USP34: variants seen among roughly 807,000 people sequenced by gnomAD.
USP34 encodes ubiquitin specific peptidase 34, also known as ubiquitin carboxyl-terminal hydrolase 34.
USP34 carries 70 observed loss-of-function variants against 460.3 expected under a neutral mutation model. The observed-to-expected ratio is 0.15, with a 90% CI of 0.13 to 0.19. The LOEUF (loss-of-function observed/expected upper bound fraction) is 0.19, where lower values mean the gene tolerates loss of function less well. Ranked by LOEUF, USP34 falls within the 10% of genes least tolerant of loss-of-function variation. The pLI, the probability that USP34 is intolerant of heterozygous loss-of-function variation, is 1.00. For missense variants in USP34, 3,985 were observed against 4,236.2 expected, an observed-to-expected ratio of 0.94 and a Z score of 1.65; for synonymous variants, 1,647 against 1,405.3, an observed-to-expected ratio of 1.17 and a Z score of -3.85.
At chr2:61,234,939 A>G (rs1688021024) in intron 57 of USP34, among the ~76,000 whole-genome samples, 1 of 152,124 alleles carries the variant, frequency 6.6e-6, no homozygotes, top group Non-Finnish European at 1.5e-5. Flanking sequence ...CACAGTCCCA[A>G]GTTTCTGTTT....
At chr2:61,240,557 C>A (rs1212076810) in intron 53 of USP34, among the ~76,000 whole-genome samples, 1 of 151,824 alleles carries the variant, frequency 6.6e-6, no homozygotes, top group African/African-American at 2.4e-5. Context: ...GGATTACAGG[C>A]ATGAGCCACC....
intron 1 of USP34, among the ~76,000 whole-genome samples, chr2:61,470,224 G>T (rs540888370): frequency 6.6e-6 from 1 of 152,128 alleles, no homozygotes; most frequent in Admixed American, 6.5e-5. Flanking sequence ...GAGAGGCCTC[G>T]GCAGCACGCT....
intron 1 of USP34, among the ~76,000 whole-genome samples, chr2:61,436,650 A>T (rs373903293): frequency 1.8e-4 from 28 of 152,324 alleles, no homozygotes; most frequent in South Asian, 4.1e-4. Flanking sequence ...GAATATAACA[A>T]AGAAACATAG....
Position 61,363,405 on chromosome 2 carries a change from G to A in USP34, c.1251+6916C>T, listed in dbSNP as rs184289682. Among the ~76,000 whole-genome samples the A allele has an allele frequency of 7.2e-5, 11 of 152,232 alleles. No individual in the cohort carries two copies. The East Asian group carries it at 2.1e-3, about 29-fold the overall frequency. On this transcript the variant is annotated intron_variant, in intron 10 of 79. Coordinates refer to ENST00000398571, the MANE Select transcript of USP34 (RefSeq NM_014709.4). The stretch of plus-strand genomic sequence containing the variant: ...AGGATAGGGATACGTTCTGAGAAAT[G>A]CCCTCTTGTGAACATCAGAGCATAC...
At chr2:61,313,446 C>T (rs926216003) in intron 25 of USP34, among the ~76,000 whole-genome samples, 1 of 152,066 alleles carries the variant, frequency 6.6e-6, no homozygotes, top group African/African-American at 2.4e-5. Flanking sequence ...GAAGATCCCA[C>T]AGCATAGAAA....
At chr2:61,375,633 G>A (rs1389185492) in intron 8 of USP34, among the ~76,000 whole-genome samples, 2 of 151,852 alleles carry the variant, frequency 1.3e-5, no homozygotes, top group Non-Finnish European at 2.9e-5. Context: ...GCCGGAAGTG[G>A]TGGCGGGTGC....
At chr2:61,302,280 G>A (rs1366467938) in intron 27 of USP34, among the ~76,000 whole-genome samples, 1 of 152,170 alleles carries the variant, frequency 6.6e-6, no homozygotes, top group Non-Finnish European at 1.5e-5. Flanking sequence ...AAAAATGAGT[G>A]GGGTAAGGCT....
At chr2:61,262,088 CAAAAAAAAAAAAAA>C (rs61651654) in intron 43 of USP34, among the ~76,000 whole-genome samples, 6 of 46,824 alleles carry the variant, frequency 1.3e-4, no homozygotes, top group East Asian at 1.1e-3. Context: ...AAGACTTCGT[CAAAAAAAAAAAAAA>C]AAAAAAAAAA....
intron 1 of USP34, among the ~76,000 whole-genome samples, chr2:61,457,739 T>A (rs1695479851): frequency 6.6e-6 from 1 of 152,180 alleles, no homozygotes; most frequent in South Asian, 2.1e-4. Context: ...TGAGCACCTG[T>A]AGTCCCAGCT....
chr2:61,251,340 T>C (rs1688576532), intron 48 of USP34, among the ~76,000 whole-genome samples: 1 of 152,200 alleles, frequency 6.6e-6, no homozygotes, highest in African/African-American at 2.4e-5. Context: ...GATATTAAAA[T>C]CACTACTTTA....
chr2:61,331,423 A>C (rs1203380487), intron 19 of USP34, 52 bp from the exon 20 acceptor site: 1 of 1,465,708 alleles, frequency 6.8e-7, no homozygotes, highest in Admixed American at 2.1e-5. Flanking sequence ...GTAAGAGAAT[A>C]AATCTATGCT....
intron 1 of USP34, among the ~76,000 whole-genome samples, chr2:61,443,430 TAC>T (rs1182843460): frequency 6.6e-6 from 1 of 151,418 alleles, no homozygotes; most frequent in Non-Finnish European, 1.5e-5. Flanking sequence ...CATAAACACG[TAC>T]AATTATTACG....
Position 61,348,857 on chromosome 2 carries a change from C to T in USP34, c.1573G>A (p.Asp525Asn). The T allele has an allele frequency of 6.2e-7, 1 of 1,613,398 alleles. No individual in the cohort carries two copies. The highest frequency in any genetic ancestry group is 1.1e-5 in the South Asian group (1 of 90,926). ...CCACTTTGATGTGTATCGCTATTAT[C>T]ACTGCTTTGAGGACTAGCTGCAGGT... ...WSPAASPQSS[D>N]NSDTHQSGGS... Residue 525 changes from aspartate to asparagine, a missense_variant, in exon 14 of 80, where the codon GAT (aspartate) becomes AAT (asparagine). By Grantham distance (23) the Asp-to-Asn change is conservative. Transcript: ENST00000398571.
chr2:61,213,965 C>G (rs1687335631), intron 68 of USP34, 95 bp downstream of exon 68: 1 of 1,409,618 alleles, frequency 7.1e-7, no homozygotes, highest in Non-Finnish European at 9.7e-7. Flanking sequence ...AATGGTGAGA[C>G]TATTCTATAT....
rs1296149670 is a variant in USP34, at chr2:61,348,103, T to A, written c.2052A>T (p.Ser684=). The A allele has an allele frequency of 5.0e-6, 8 of 1,614,122 alleles. No individual in the cohort carries two copies. Among genetic ancestry groups the A allele is most frequent in the South Asian group, 1.1e-5 (1 of 91,086 alleles). ...CCAGCATTCGCATTCGATTATCTAC[T>A]GATGGCAATGATTCAGTGTTAAAAA... ...DLVFNTESLP[S]VDNRMRMLDA... Residue 684 remains serine (S), a synonymous_variant, in exon 15 of 80, where the codon TCA becomes TCT. Transcript: ENST00000398571.
At chr2:61,259,422 C>T (rs1475198246) in intron 44 of USP34, among the ~76,000 whole-genome samples, 1 of 151,894 alleles carries the variant, frequency 6.6e-6, no homozygotes, top group African/African-American at 2.4e-5. Flanking sequence ...GAGTCTCACT[C>T]TGTCACCTAG....
chr2:61,297,007 G>A (rs1264710393), intron 29 of USP34, 82 bp from the exon 30 acceptor site: 2 of 1,457,134 alleles, frequency 1.4e-6, no homozygotes, highest in East Asian at 2.4e-5. Flanking sequence ...ATAAAGTAAT[G>A]ATCAAATTTG....
At chr2:61,195,712 T>G (rs1686780921) in intron 75 of USP34, among the ~76,000 whole-genome samples, 2 of 151,926 alleles carry the variant, frequency 1.3e-5, no homozygotes, top group African/African-American at 2.4e-5. Flanking sequence ...AAAAACAGTA[T>G]GTTACAGAGA....
intron 19 of USP34, 47 bp from the exon 20 acceptor site, chr2:61,331,418 A>G (rs372710273): frequency 1.3e-6 from 2 of 1,498,810 alleles, no homozygotes; most frequent in Non-Finnish European, 1.8e-6. Flanking sequence ...GCAGGGTAAG[A>G]GAATAAATCT....
Sources: allele counts gnomAD v4.1 joint callset (sites outside exome capture counted in the v4.1 genomes callset), GRCh38; gene constraint gnomAD v4.1.1; transcripts MANE v1.5; gene names NCBI Gene and HGNC (gene_info 2026-07-23, HGNC 2026-07-21).